Variants in CCDC148 observed in about 807,000 individuals in gnomAD.
CCDC148 encodes coiled-coil domain-containing protein 148.
CCDC148 carries 89 observed loss-of-function variants against 85.7 expected under a neutral mutation model. The observed-to-expected ratio is 1.04, with a 90% CI of 0.87 to 1.24. CCDC148 has a LOEUF of 1.24. Ranked by LOEUF, CCDC148 falls within the 50% of genes most tolerant of loss-of-function variation. CCDC148 has a pLI of 0.00. For missense variants in CCDC148, 692 were observed against 671.7 expected, an observed-to-expected ratio of 1.03 and a Z score of -0.33; for synonymous variants, 230 against 213.9, an observed-to-expected ratio of 1.08 and a Z score of -0.66.
intron 7 of CCDC148, among the ~76,000 whole-genome samples, chr2:158,315,167 T>C (rs150694976): frequency 2.6e-5 from 4 of 152,306 alleles, no homozygotes; most frequent in Non-Finnish European, 1.5e-5. Flanking sequence ...ACACCAAGTG[T>C]TTCAGTCCTG....
chr2:158,406,615 T>TTTTTTTTCTGTTTTTTTTTTG (rs1337404869), intron 1 of CCDC148, among the ~76,000 whole-genome samples: 4 of 67,962 alleles, frequency 5.9e-5, no homozygotes, highest in Non-Finnish European at 1.1e-4. Context: ...TTAAATTTCT[T>TTTTTTTTCTGTTTTTTTTTTG]TTTTTTTTTT....
intron 1 of CCDC148, among the ~76,000 whole-genome samples, chr2:158,417,061 A>T (rs1238714348): frequency 6.6e-6 from 1 of 152,188 alleles, no homozygotes; most frequent in African/African-American, 2.4e-5. Flanking sequence ...AGATATCATG[A>T]GAACTCACTC....
At chr2:158,366,456 G>A (rs536658783) in intron 1 of CCDC148, among the ~76,000 whole-genome samples, 14 of 152,222 alleles carry the variant, frequency 9.2e-5, no homozygotes, top group Admixed American at 7.2e-4. Flanking sequence ...GGCACTTTTG[G>A]TAGATACAGA....
chr2:158,198,975 A>G (rs1685813818), intron 11 of CCDC148, among the ~76,000 whole-genome samples: 1 of 152,146 alleles, frequency 6.6e-6, no homozygotes, highest in East Asian at 1.9e-4. Flanking sequence ...CCAAAACAAG[A>G]GTGAAAAACC....
intron 11 of CCDC148, among the ~76,000 whole-genome samples, chr2:158,217,362 TTGTG>T (rs1165912265): frequency 1.3e-4 from 13 of 99,020 alleles, no homozygotes; most frequent in African/African-American, 3.9e-4. Context: ...ATATAAAATT[TTGTG>T]TGTGTGTGTA....
At chr2:158,404,302 A>T (rs2105308549) in intron 1 of CCDC148, among the ~76,000 whole-genome samples, 1 of 152,218 alleles carries the variant, frequency 6.6e-6, no homozygotes, top group South Asian at 2.1e-4. Context: ...TGTATCATGG[A>T]ATGCTGAGGA....
chr2:158,263,849 C>T (rs1249554745), intron 9 of CCDC148, among the ~76,000 whole-genome samples: 1 of 151,552 alleles, frequency 6.6e-6, no homozygotes, highest in African/African-American at 2.4e-5. Context: ...GATTATGATG[C>T]CTAGCAGGGG....
chr2:158,356,627 T>C (rs1240635107), intron 2 of CCDC148, among the ~76,000 whole-genome samples: 4 of 148,092 alleles, frequency 2.7e-5, no homozygotes, highest in African/African-American at 9.9e-5. Flanking sequence ...TTTTACACTG[T>C]TGGTGGGACT....
At chr2:158,283,065 T>A (rs1270349178) in intron 9 of CCDC148, among the ~76,000 whole-genome samples, 1 of 152,196 alleles carries the variant, frequency 6.6e-6, no homozygotes, top group African/African-American at 2.4e-5. Flanking sequence ...CTGGGAAAAC[T>A]GGCTAGCCAT....
chr2:158,247,816 A>G (rs1454470476), intron 10 of CCDC148, among the ~76,000 whole-genome samples: 1 of 152,156 alleles, frequency 6.6e-6, no homozygotes, highest in Non-Finnish European at 1.5e-5. Context: ...AGATCACGCC[A>G]TTGCACTCCA....
At chr2:158,405,586 T>C (rs1685963337) in intron 1 of CCDC148, among the ~76,000 whole-genome samples, 1 of 152,168 alleles carries the variant, frequency 6.6e-6, no homozygotes, top group African/African-American at 2.4e-5. Context: ...AAGAAAATAT[T>C]GAAAATAAGT....
chr2:158,360,390 G>A (rs889460341), intron 1 of CCDC148, among the ~76,000 whole-genome samples: 7 of 152,152 alleles, frequency 4.6e-5, no homozygotes, highest in African/African-American at 1.7e-4. Context: ...ACACCTCCCA[G>A]CAGGGGCAGA....
At position 158,256,579 on chromosome 2, in the gene CCDC148, T is replaced by G. The variant is rs150460790; in HGVS notation, c.1111-5667A>C. ...TTTTATATGGAAAATCAAAAGAAAG[T>G]TACCATCTGAGCAGTGCCTATAACT... On this transcript the variant is annotated intron_variant, in intron 9 of 13. Coordinates refer to ENST00000283233, the MANE Select transcript of CCDC148 (RefSeq NM_138803.4). 3.0e-3 allele frequency among the ~76,000 whole-genome samples: 455 copies of G among 151,884 alleles called. 1 individual carries two copies. Among genetic ancestry groups the G allele is most frequent in the African/African-American group, 9.8e-3 (407 of 41,498 alleles).
chr2:158,432,714 A>G (rs886755070), intron 1 of CCDC148, among the ~76,000 whole-genome samples: 6 of 152,138 alleles, frequency 3.9e-5, no homozygotes, highest in Non-Finnish European at 8.8e-5. Context: ...TAAAGGAGAA[A>G]AGAACACACC....
chr2:158,425,048 T>TA (rs1389137903), intron 1 of CCDC148: 5 of 444,710 alleles, frequency 1.1e-5, no homozygotes, highest in Non-Finnish European at 2.3e-5. Context: ...GAGGGGGCCC[T>TA]AGGGGGTCGT....
chr2:158,411,776 T>G (rs1336258610), intron 1 of CCDC148, among the ~76,000 whole-genome samples: 1 of 152,166 alleles, frequency 6.6e-6, no homozygotes, highest in East Asian at 1.9e-4. Flanking sequence ...AGTATTGTGT[T>G]GGTGTCTGTG....
chr2:158,174,336 G>A (rs897105240), intron 13 of CCDC148, among the ~76,000 whole-genome samples: 1 of 151,880 alleles, frequency 6.6e-6, no homozygotes, highest in Non-Finnish European at 1.5e-5. Flanking sequence ...GTCTAGCTTC[G>A]AATCATCCTT....
chr2:158,266,920 A>ATGTGTG (rs1491537837), intron 9 of CCDC148, among the ~76,000 whole-genome samples: 2 of 150,554 alleles, frequency 1.3e-5, no homozygotes, highest in Admixed American at 6.7e-5. Flanking sequence ...ACACATATAT[A>ATGTGTG]CATATATATG....
At chr2:158,456,324 A>C (rs1688723998) in intron 1 of CCDC148, 91 bp downstream of exon 1, 1 of 1,272,476 alleles carries the variant, frequency 7.9e-7, no homozygotes, top group Non-Finnish European at 1.1e-6. Context: ...GGGAAGGGGG[A>C]GTGGCTGCAG....
Sources: gnomAD v4.1 joint callset for allele counts (sites outside exome capture counted in the v4.1 genomes callset) on GRCh38, gnomAD v4.1.1 for gene constraint, MANE v1.5 for transcripts, NCBI Gene and HGNC (gene_info 2026-07-23, HGNC 2026-07-21) for gene names.